Variants in LHX4 observed in about 807,000 individuals in gnomAD.
LHX4 encodes the protein LIM/homeobox protein Lhx4.
LHX4 carries 16 observed loss-of-function variants against 39.2 expected under a neutral mutation model. The observed-to-expected ratio is 0.41, with a 90% CI of 0.28 to 0.62. The LOEUF is 0.62. Among genes scored for constraint, LHX4 ranks in the 20% least tolerant of loss-of-function variants. The pLI, the probability that LHX4 is intolerant of heterozygous loss-of-function variation, is 0.33. For synonymous variants in LHX4, 206 were observed against 198.1 expected (o/e 1.04, Z -0.33); for missense variants, 439 against 511.9 (o/e 0.86, Z 1.37).
At chr1:180,265,381 C>T (rs760901409) in intron 2 of LHX4, among the ~76,000 whole-genome samples, 13 of 152,342 alleles carry the variant, frequency 8.5e-5, no homozygotes, top group Non-Finnish European at 1.5e-4. Flanking sequence ...AGCCACGCAC[C>T]CTCCTTCACT....
At chr1:180,257,645 T>C (rs548761554) in intron 2 of LHX4, among the ~76,000 whole-genome samples, 2 of 152,316 alleles carry the variant, frequency 1.3e-5, no homozygotes, top group Admixed American at 1.3e-4. Context: ...AGTGTGGTGA[T>C]AGATAAAAGA....
At chr1:180,237,505 A>G (rs1353422933) in intron 1 of LHX4, among the ~76,000 whole-genome samples, 1 of 152,140 alleles carries the variant, frequency 6.6e-6, no homozygotes, top group Non-Finnish European at 1.5e-5. Flanking sequence ...GGTTGGGTTT[A>G]ATTGGTGAAA....
chr1:180,258,265 C>G (rs920451850), intron 2 of LHX4, among the ~76,000 whole-genome samples: 1 of 152,104 alleles, frequency 6.6e-6, no homozygotes, highest in African/African-American at 2.4e-5. Flanking sequence ...TTTCAGGGGA[C>G]CACTGCAGGA....
chr1:180,244,457 A>G (rs1480908090), intron 1 of LHX4, among the ~76,000 whole-genome samples: 1 of 152,060 alleles, frequency 6.6e-6, no homozygotes, highest in South Asian at 2.1e-4. Flanking sequence ...TTGTTCCTCA[A>G]TGTGATGCTG....
chr1:180,251,862 G>A (rs973375036), intron 2 of LHX4, among the ~76,000 whole-genome samples: 2 of 152,200 alleles, frequency 1.3e-5, no homozygotes, highest in South Asian at 4.1e-4. Flanking sequence ...CATTGACTCT[G>A]TGATGGGGTG....
chr1:180,278,239 T>A lies in LHX4; in HGVS notation c.*3660T>A, dbSNP rs1029376629. Reference sequence around the variant, plus strand: ...ACTTTAAAAATTGGAAACCGTGAGATGAAGAAAAATTCAATTAAGCGGAAA... The same window carrying A: ...ACTTTAAAAATTGGAAACCGTGAGAAGAAGAAAAATTCAATTAAGCGGAAA... On this transcript the variant is annotated 3_prime_UTR_variant, in exon 6 of 6. Transcript: ENST00000263726. 2 of 152,212 alleles carry A rather than the reference T, an allele frequency of 1.3e-5. No homozygotes were observed. Among genetic ancestry groups the A allele is most frequent in the African/African-American group, 4.8e-5 (2 of 41,450 alleles). The allele number at this position is 152,212 out of a possible 1,614,324, so 9.4% of individuals were successfully genotyped here.
chr1:180,239,398 A>G (rs1437373718), intron 1 of LHX4, among the ~76,000 whole-genome samples: 1 of 152,252 alleles, frequency 6.6e-6, no homozygotes, highest in African/African-American at 2.4e-5. Context: ...ACATTTGCAT[A>G]CTATTTCAGT....
intron 2 of LHX4, among the ~76,000 whole-genome samples, chr1:180,256,606 C>T (rs1041507154): frequency 3.9e-5 from 6 of 152,282 alleles, no homozygotes; most frequent in Middle Eastern, 3.4e-3. Flanking sequence ...CTGCAGATGC[C>T]CAGGTGGGCT....
At chr1:180,249,995 A>G (rs1377500663) in intron 2 of LHX4, among the ~76,000 whole-genome samples, 1 of 151,478 alleles carries the variant, frequency 6.6e-6, no homozygotes, top group Non-Finnish European at 1.5e-5. Flanking sequence ...GAGCGTGTGA[A>G]TGTGTGTTGA....
In LHX4 at chr1:180,278,820, GGAAAAAAAA is replaced by G. The variant is rs1453228506; in HGVS notation, c.*4250_*4258del. On this transcript the variant is annotated 3_prime_UTR_variant, in exon 6 of 6. Transcript: ENST00000263726. ...AGAGAAATGAAGTCTCGTTTCCTGG[GGAAAAAAAA>G]GAAAAAAAGAAAAAAAAAAGACCCA... The G allele has an allele frequency of 6.7e-6, 1 of 149,542 alleles. No homozygotes were observed. Among genetic ancestry groups the G allele is most frequent in the Non-Finnish European group, 1.5e-5 (1 of 67,848 alleles). 9.3% of individuals were successfully genotyped at this position (149,542 alleles called of 1,614,324 possible). A position where few individuals can be genotyped will look rare whatever the true frequency, so the allele number is the denominator to read the frequency against.
chr1:180,253,380 G>T (rs553295030), intron 2 of LHX4, among the ~76,000 whole-genome samples: 2 of 152,222 alleles, frequency 1.3e-5, no homozygotes, highest in Admixed American at 6.5e-5. Flanking sequence ...AGACCTCTTG[G>T]AGCTGGGTTC....
chr1:180,243,819 T>A (rs966090924), intron 1 of LHX4, among the ~76,000 whole-genome samples: 1 of 152,208 alleles, frequency 6.6e-6, no homozygotes, highest in African/African-American at 2.4e-5. Flanking sequence ...AAGAGGCCAG[T>A]GGTCTTATAA....
chr1:180,268,582 G>T (rs776707139), intron 3 of LHX4, among the ~76,000 whole-genome samples: 12 of 152,204 alleles, frequency 7.9e-5, no homozygotes, highest in African/African-American at 2.7e-4. Flanking sequence ...GTCTATGGAG[G>T]ATCATAGCAT....
In LHX4 at chr1:180,234,836, G is replaced by C. The variant is rs1664273424; in HGVS notation, c.76+4231G>C. On this transcript the variant is annotated intron_variant, in intron 1 of 5. Transcript: ENST00000263726. The surrounding 1 kb of genome is among the most constrained non-coding windows in gnomAD (Gnocchi z 4.8). ...CGGGGCTACGCAGGGCTGAGCAGGA[G>C]TGGCGTCCTAGGGTCTGGGAGCGCG... 6.6e-6 allele frequency among the ~76,000 whole-genome samples: 1 copy of C among 152,248 alleles called. No homozygotes were observed. The highest frequency in any genetic ancestry group is 6.5e-5 in the Admixed American group (1 of 15,294).
chr1:180,233,373 G>A (rs1300105445), intron 1 of LHX4, among the ~76,000 whole-genome samples: 1 of 151,968 alleles, frequency 6.6e-6, no homozygotes, highest in Admixed American at 6.6e-5. Flanking sequence ...TCGTCGCTCC[G>A]ACAGCCCTAC....
At chr1:180,269,752 G>A (rs976940629) in intron 3 of LHX4, 3 of 152,180 alleles carry the variant, frequency 2.0e-5, no homozygotes, top group Admixed American at 1.3e-4. Flanking sequence ...AGACACTCCC[G>A]TGTAGACTAT....
At chr1:180,258,499 C>T (rs1024954301) in intron 2 of LHX4, among the ~76,000 whole-genome samples, 1 of 152,180 alleles carries the variant, frequency 6.6e-6, no homozygotes, top group Admixed American at 6.5e-5. Context: ...GACTTAGGCC[C>T]ACTGTGGCGA....
rs1664197657 is a variant in LHX4, at chr1:180,232,107, G to A, written c.76+1502G>A. Among the ~76,000 whole-genome samples the A allele has an allele frequency of 6.6e-6, 1 of 152,190 alleles. No homozygotes were observed. Among genetic ancestry groups the A allele is most frequent in the Admixed American group, 6.5e-5 (1 of 15,278 alleles). On this transcript the variant is annotated intron_variant, in intron 1 of 5. Transcript: ENST00000263726. This position sits in a 1 kb window ranked among gnomAD's most constrained non-coding sequence, Gnocchi z 5.4. ...CCGCACACAGGCAGGGACAGAGTGG[G>A]TTCTCAGCCCCTGCAAAGACGGAAA...
chr1:180,265,099 A>C (rs901642478), intron 2 of LHX4, among the ~76,000 whole-genome samples: 14 of 152,214 alleles, frequency 9.2e-5, no homozygotes, highest in African/African-American at 3.1e-4. Context: ...TCATCATGAT[A>C]GCCATGACCA....
Sources: gnomAD v4.1 joint callset for allele counts (sites outside exome capture counted in the v4.1 genomes callset) on GRCh38, gnomAD v4.1.1 for gene constraint, Gnocchi (gnomAD v3.1) non-coding constraint, MANE v1.5 for transcripts, NCBI Gene and HGNC (gene_info 2026-07-23, HGNC 2026-07-21) for gene names.